Variants in CDKN2B-AS1 observed in about 807,000 individuals in gnomAD.
CDKN2B-AS1 encodes the protein CDKN2B and CDKN2A antisense cis and trans regulatory RNA 1.
At chr9:21,998,122 G>A (rs1158936117) in intron 1 of CDKN2B-AS1, among the ~76,000 whole-genome samples, 3 of 152,164 alleles carry the variant, frequency 2.0e-5, no homozygotes, top group Admixed American at 1.3e-4. Flanking sequence ...CCCCACTGCC[G>A]CTGCCCAATA....
intron 4 of CDKN2B-AS1, among the ~76,000 whole-genome samples, chr9:22,073,133 T>G (rs2131318314): frequency 6.6e-6 from 1 of 152,276 alleles, no homozygotes; most frequent in South Asian, 2.1e-4. Context: ...TAATACTGCC[T>G]TCATACTTTT....
intron 4 of CDKN2B-AS1, among the ~76,000 whole-genome samples, chr9:22,123,302 AC>A (rs1826136204): frequency 6.6e-6 from 1 of 152,186 alleles, no homozygotes; most frequent in Non-Finnish European, 1.5e-5. Flanking sequence ...GCAAACAGGA[AC>A]AATTTGACTT....
chr9:22,027,021 C>A (rs544737771), intron 1 of CDKN2B-AS1, among the ~76,000 whole-genome samples: 2 of 151,986 alleles, frequency 1.3e-5, no homozygotes, highest in Non-Finnish European at 2.9e-5. Context: ...CTCCGTGGGT[C>A]GAGTTGTTTC....
At chr9:22,097,365 G>T (rs1825319821) in intron 4 of CDKN2B-AS1, 1 of 152,172 alleles carries the variant, frequency 6.6e-6, no homozygotes, top group Admixed American at 6.5e-5. Flanking sequence ...AGTGACTTAG[G>T]TGAGTAAAAA....
intron 4 of CDKN2B-AS1, among the ~76,000 whole-genome samples, chr9:22,092,677 T>A (rs1286694753): frequency 2.6e-5 from 4 of 152,146 alleles, no homozygotes; most frequent in Admixed American, 2.6e-4. Context: ...ATATCCCCTT[T>A]TAATTTTTTA....
intron 1 of CDKN2B-AS1, among the ~76,000 whole-genome samples, chr9:22,009,611 C>G (rs1821400306): frequency 6.6e-6 from 1 of 152,032 alleles, no homozygotes; most frequent in African/African-American, 2.4e-5. Context: ...CAGAGGATTT[C>G]TGTTCCTTCA....
intron 4 of CDKN2B-AS1, among the ~76,000 whole-genome samples, chr9:22,111,796 G>C (rs1825811682): frequency 6.6e-6 from 1 of 152,156 alleles, no homozygotes; most frequent in South Asian, 2.1e-4. Flanking sequence ...ATGTGACACT[G>C]ACAAATTATG....
At chr9:21,998,348 CT>C (rs1226570820) in intron 1 of CDKN2B-AS1, among the ~76,000 whole-genome samples, 1 of 152,154 alleles carries the variant, frequency 6.6e-6, no homozygotes, top group African/African-American at 2.4e-5. Context: ...TTATTTTATC[CT>C]CACAGTGGCC....
chr9:22,113,523 T>G (rs906292636), intron 4 of CDKN2B-AS1: 1 of 152,202 alleles, frequency 6.6e-6, no homozygotes, highest in Admixed American at 6.5e-5. Flanking sequence ...GTATAAAATC[T>G]TCGGGGTCAT....
At chr9:22,014,023 A>G (rs534118692) in intron 1 of CDKN2B-AS1, among the ~76,000 whole-genome samples, 1 of 152,274 alleles carries the variant, frequency 6.6e-6, no homozygotes, top group East Asian at 1.9e-4. Flanking sequence ...GACACATAAT[A>G]TGGTTGTCTC....
At chr9:22,015,225 A>C (rs2131208861) in intron 1 of CDKN2B-AS1, among the ~76,000 whole-genome samples, 1 of 152,328 alleles carries the variant, frequency 6.6e-6, no homozygotes, top group South Asian at 2.1e-4. Flanking sequence ...CAGTCCCACC[A>C]ACAGTGTAAA....
intron 4 of CDKN2B-AS1, among the ~76,000 whole-genome samples, chr9:22,108,547 G>A (rs767135344): frequency 6.6e-6 from 1 of 152,132 alleles, no homozygotes; most frequent in Admixed American, 6.6e-5. Context: ...TCCTACTTGA[G>A]GATCTCAAAC....
chr9:22,083,333 G>T (rs1262689511), intron 4 of CDKN2B-AS1, among the ~76,000 whole-genome samples: 1 of 152,168 alleles, frequency 6.6e-6, no homozygotes, highest in Non-Finnish European at 1.5e-5. Context: ...GGGATGGAGT[G>T]CAGGGGATGC....
intron 4 of CDKN2B-AS1, among the ~76,000 whole-genome samples, chr9:22,114,825 T>A (rs1490172332): frequency 6.6e-6 from 1 of 152,212 alleles, no homozygotes; most frequent in Non-Finnish European, 1.5e-5. Context: ...GATAATGGTC[T>A]TTTCTTTCCT....
chr9:22,090,716 C>A (rs1379487483), intron 4 of CDKN2B-AS1, among the ~76,000 whole-genome samples: 1 of 151,976 alleles, frequency 6.6e-6, no homozygotes, highest in East Asian at 1.9e-4. Flanking sequence ...ATTGTAGATT[C>A]TGGATATTAG....
At chr9:22,071,292 T>TAGC (rs1563962648) in intron 4 of CDKN2B-AS1, among the ~76,000 whole-genome samples, 308 of 23,150 alleles carry the variant, frequency 0.013, 1 homozygote, top group Middle Eastern at 0.038. Flanking sequence ...TAGCTTTTTT[T>TAGC]TTTTTTTTTT....
chr9:22,124,319 C>G (rs1352880032), intron 4 of CDKN2B-AS1, among the ~76,000 whole-genome samples: 1 of 152,110 alleles, frequency 6.6e-6, no homozygotes, highest in Non-Finnish European at 1.5e-5. Flanking sequence ...GTAGTAGGTA[C>G]AGAATACAAA....
chr9:22,070,429 A>C (rs2131313783), intron 4 of CDKN2B-AS1, among the ~76,000 whole-genome samples: 1 of 152,350 alleles, frequency 6.6e-6, no homozygotes, highest in South Asian at 2.1e-4. Context: ...ATATAAAGTG[A>C]CACATAGTCC....
At chr9:22,085,496 G>A (rs560626439) in intron 4 of CDKN2B-AS1, among the ~76,000 whole-genome samples, 5 of 152,218 alleles carry the variant, frequency 3.3e-5, no homozygotes, top group South Asian at 4.1e-4. Flanking sequence ...TGAGGCGGGC[G>A]GATCACGAGG....
Sources: allele counts gnomAD v4.1 joint callset (sites outside exome capture counted in the v4.1 genomes callset), GRCh38; gene constraint gnomAD v4.1.1; transcripts MANE v1.5; gene names NCBI Gene and HGNC (gene_info 2026-07-23, HGNC 2026-07-21).